Variants in PTPRN2 observed in about 807,000 individuals in gnomAD.
The protein encoded by PTPRN2 is receptor-type tyrosine-protein phosphatase N2.
In PTPRN2, 74 loss-of-function variants were observed where a neutral mutation model predicts 118.8. That is an observed-to-expected ratio of 0.62 (90% CI 0.52 to 0.76). The LOEUF is 0.76. Among genes scored for constraint, PTPRN2 ranks in the 30% least tolerant of loss-of-function variants. The probability of loss-of-function intolerance (pLI) is 0.00; values close to 1 mark genes in which losing one functional copy is unlikely to be tolerated. For missense variants in PTPRN2, 1,481 were observed against 1,394.4 expected (o/e 1.06, Z -0.99); for synonymous variants, 641 against 608.0 (o/e 1.05, Z -0.80).
At chr7:157,551,826 T>C (rs202074320) in intron 21 of PTPRN2, among the ~76,000 whole-genome samples, 2,156 of 10,710 alleles carry the variant, frequency 0.2, no homozygotes, top group Non-Finnish European at 0.23. Context: ...CCAGCACGCA[T>C]CCCACAGCCA....
At chr7:158,489,521 T>C (rs1271731171) in intron 2 of PTPRN2, among the ~76,000 whole-genome samples, 1 of 152,182 alleles carries the variant, frequency 6.6e-6, no homozygotes. Context: ...CAAGGGTTGG[T>C]GCGAGCGATG....
chr7:158,205,226 G>T lies in PTPRN2; in HGVS notation c.325C>A (p.Leu109Ile). 3 of 1,614,160 alleles carry T rather than the reference G, an allele frequency of 1.9e-6. No individual in the cohort carries two copies. The highest frequency in any genetic ancestry group is 2.5e-6 in the Non-Finnish European group (3 of 1,180,034). ...AGGTAGGTTTTCGGGAGGTCTGCAA[G>T]TTCCTGGTCCATCACATACTGAGTA... ...DYTQYVMDQE[L>I]ADLPKTYLRR... is the part of the protein sequence containing the mutation. Residue 109 changes from leucine (L) to isoleucine (I), a missense_variant, in exon 4 of 23, where the codon CTT becomes ATT. By Grantham distance (5) the Leu-to-Ile change is conservative (BLOSUM62 2). Coordinates refer to ENST00000389418, the MANE Select transcript of PTPRN2 (RefSeq NM_002847.5).
intron 14 of PTPRN2, among the ~76,000 whole-genome samples, chr7:157,644,115 G>A (rs375788402): frequency 1.8e-5 from 2 of 109,934 alleles, no homozygotes; most frequent in South Asian, 2.6e-4. Context: ...AGGTTACCCC[G>A]CAACATAACC....
chr7:157,630,404 G>A (rs1303516401), intron 14 of PTPRN2, among the ~76,000 whole-genome samples: 1 of 152,130 alleles, frequency 6.6e-6, no homozygotes, highest in Non-Finnish European at 1.5e-5. Flanking sequence ...CGACCCATAC[G>A]ACCATATTCA....
chr7:157,712,478 G>C (rs538119818), intron 12 of PTPRN2, among the ~76,000 whole-genome samples: 6 of 152,254 alleles, frequency 3.9e-5, no homozygotes, highest in Admixed American at 3.3e-4. Flanking sequence ...AGGCTGGGCA[G>C]GGTGGCTCAC....
In PTPRN2 at chr7:157,550,719, C is replaced by T. The variant is rs191069265; in HGVS notation, c.2903-1700G>A. Among the ~76,000 whole-genome samples the T allele has an allele frequency of 1.9e-4, 29 of 152,320 alleles. No homozygotes were observed. The highest frequency in any genetic ancestry group is 7.0e-4 in the African/African-American group (29 of 41,572). On this transcript the variant is annotated intron_variant, in intron 21 of 22. Coordinates refer to ENST00000389418, the MANE Select transcript of PTPRN2 (RefSeq NM_002847.5). The surrounding 1 kb of genome is among the most constrained non-coding windows in gnomAD (Gnocchi z 5.2). ...CCATGAGGGCCACCACCTTTTAAGC[C>T]AGAGCCTCTGCAGGCATAAAAGGCG...
rs1825088443 is a variant in PTPRN2 at position 158,529,879 on chromosome 7, T to G, written c.113-40094A>C. 6.6e-6 allele frequency among the ~76,000 whole-genome samples: 1 copy of G among 151,908 alleles called. No individual in the cohort carries two copies. Among genetic ancestry groups the G allele is most frequent in the Admixed American group, 6.6e-5 (1 of 15,240 alleles). Reference sequence around the variant, plus strand: ...TCACACATGCCACACACCACACATATGCACACCACACACGTGCCACACACA... The same window carrying G: ...TCACACATGCCACACACCACACATAGGCACACCACACACGTGCCACACACA... On this transcript the variant is annotated intron_variant, in intron 1 of 22. Coordinates refer to ENST00000389418, the MANE Select transcript of PTPRN2 (RefSeq NM_002847.5). This position sits in a 1 kb window ranked among gnomAD's most constrained non-coding sequence, Gnocchi z 4.7.
rs1563310780 is a variant in PTPRN2 at position 157,656,566 on chromosome 7, GA to G, written c.2002-16del. ...CGGCACAGCTCCTGCAGGACAGGGG[GA>G]GGAAGAGCAGGGGGTTAGTGGCATT... On this transcript the variant is annotated splice_polypyrimidine_tract_variant and intron_variant, in intron 13 of 22. Transcript: ENST00000389418. The G allele has an allele frequency of 1.3e-6, 2 of 1,526,784 alleles. No individual in the cohort carries two copies. Among genetic ancestry groups the G allele is most frequent in the South Asian group, 2.4e-5 (2 of 83,834 alleles). The allele number at this position is 1,526,784 out of a possible 1,614,324, so 94.6% of individuals were successfully genotyped here.
chr7:157,994,738 A>G (rs369221445), intron 11 of PTPRN2, among the ~76,000 whole-genome samples: 6,080 of 10,038 alleles, frequency 0.61, 2,231 homozygotes, highest in East Asian at 0.84. Flanking sequence ...CCAGCTTACA[A>G]CTCCTTGTTC....
chr7:158,538,142 G>A (rs936929903), intron 1 of PTPRN2, among the ~76,000 whole-genome samples: 4 of 152,240 alleles, frequency 2.6e-5, no homozygotes, highest in African/African-American at 9.6e-5. Context: ...AAAGAGCACA[G>A]CTCGTGCACC....
chr7:157,877,418 G>A (rs1795841956), intron 12 of PTPRN2, among the ~76,000 whole-genome samples: 1 of 150,472 alleles, frequency 6.6e-6, no homozygotes, highest in African/African-American at 2.5e-5. Context: ...GGTTTCCTCA[G>A]GGACCTTGGG....
chr7:158,340,814 ATGTCACTCACACCCACAC>A, intron 2 of PTPRN2, among the ~76,000 whole-genome samples: 2 of 28,768 alleles, frequency 7.0e-5, no homozygotes, highest in Admixed American at 2.5e-4. Context: ...ACACCCACAC[ATGTCACTCACACCCACAC>A]TCTCACCATA....
chr7:158,074,498 A>T (rs1319430080), intron 11 of PTPRN2, among the ~76,000 whole-genome samples: 1 of 152,198 alleles, frequency 6.6e-6, no homozygotes, highest in Non-Finnish European at 1.5e-5. Context: ...TTTGGCATGA[A>T]AAGGTCTTAG....
intron 9 of PTPRN2, among the ~76,000 whole-genome samples, chr7:158,125,110 G>A (rs1457309954): frequency 2.6e-5 from 4 of 152,158 alleles, no homozygotes; most frequent in East Asian, 1.9e-4. Context: ...CCGGGCTGGC[G>A]AGACATGGCT....
chr7:157,686,039 G>A (rs1257304178), intron 12 of PTPRN2, among the ~76,000 whole-genome samples: 1 of 152,218 alleles, frequency 6.6e-6, no homozygotes, highest in Non-Finnish European at 1.5e-5. Flanking sequence ...CTGGACAGCC[G>A]GGGAGTCGTG....
At chr7:158,272,484 C>T (rs1798579130) in intron 3 of PTPRN2, among the ~76,000 whole-genome samples, 1 of 152,104 alleles carries the variant, frequency 6.6e-6, no homozygotes, top group Non-Finnish European at 1.5e-5. Context: ...TTACCAAAAA[C>T]ACTGAGCAGG....
At chr7:157,637,373 G>A (rs1335349894) in intron 14 of PTPRN2, among the ~76,000 whole-genome samples, 1 of 152,206 alleles carries the variant, frequency 6.6e-6, no homozygotes, top group African/African-American at 2.4e-5. Flanking sequence ...AAAGTGAACA[G>A]CAGCCCCTGT....
intron 3 of PTPRN2, among the ~76,000 whole-genome samples, chr7:158,216,230 CAT>C (rs1409889932): frequency 6.6e-6 from 1 of 151,856 alleles, no homozygotes; most frequent in Non-Finnish European, 1.5e-5. Flanking sequence ...CTATCAAAGA[CAT>C]ACACTCAAAA....
At chr7:158,285,397 C>T (rs1799701497) in intron 3 of PTPRN2, among the ~76,000 whole-genome samples, 1 of 152,202 alleles carries the variant, frequency 6.6e-6, no homozygotes. Flanking sequence ...AATAGCCACT[C>T]TCCTCAGAAG....
Sources: allele counts gnomAD v4.1 joint callset (sites outside exome capture counted in the v4.1 genomes callset), GRCh38; gene constraint gnomAD v4.1.1; non-coding constraint Gnocchi (gnomAD v3.1); transcripts MANE v1.5; gene names NCBI Gene and HGNC (gene_info 2026-07-23, HGNC 2026-07-21).